Variants in MGAT4A observed in about 807,000 individuals in gnomAD.
MGAT4A encodes the protein N-acetylglucosaminyltransferase IVa.
In MGAT4A, 33 loss-of-function variants were observed where a neutral mutation model predicts 74.1. That is an observed-to-expected ratio of 0.45 (90% CI 0.34 to 0.60). The LOEUF is 0.60. Among genes scored for constraint, MGAT4A ranks in the 20% least tolerant of loss-of-function variants. The pLI, the probability that MGAT4A is intolerant of heterozygous loss-of-function variation, is 0.02. For synonymous variants in MGAT4A, 198 were observed against 210.4 expected (o/e 0.94, Z 0.51); for missense variants, 479 against 628.3 (o/e 0.76, Z 2.54).
intron 4 of MGAT4A, among the ~76,000 whole-genome samples, chr2:98,669,233 C>A (rs1701878568): frequency 6.6e-6 from 1 of 152,088 alleles, no homozygotes; most frequent in African/African-American, 2.4e-5. Flanking sequence ...GTGGGAGGGA[C>A]CCGGTGGGAG....
At chr2:98,663,277 GA>G in intron 4 of MGAT4A, 98 bp from the exon 5 acceptor site, 1 of 1,533,166 alleles carries the variant, frequency 6.5e-7, no homozygotes, top group Non-Finnish European at 8.8e-7. Flanking sequence ...AAATTGATAG[GA>G]ATAACTGATG....
In MGAT4A at chr2:98,625,251, GT is replaced by G; in HGVS notation, c.*314del. On this transcript the variant is annotated 3_prime_UTR_variant, in exon 16 of 16. Transcript: ENST00000393487. ...CCTTCATAAAATGTATGTAACATTAGTTTTTCTCAAATTTAAAGAATGTAAC... is the reference window on the plus strand; with the variant it reads ...CCTTCATAAAATGTATGTAACATTAGTTTTCTCAAATTTAAAGAATGTAAC... The G allele has an allele frequency of 1.0e-6, 1 of 957,156 alleles. No homozygotes were observed. The highest frequency in any genetic ancestry group is 1.3e-6 in the Non-Finnish European group (1 of 788,958). 59.3% of individuals were successfully genotyped at this position (957,156 alleles called of 1,614,324 possible). A position where few individuals can be genotyped will look rare whatever the true frequency, so the allele number is the denominator to read the frequency against.
intron 8 of MGAT4A, among the ~76,000 whole-genome samples, chr2:98,651,320 T>C (rs1316481725): frequency 6.6e-6 from 1 of 152,202 alleles, no homozygotes; most frequent in African/African-American, 2.4e-5. Flanking sequence ...CCCTTTCAAA[T>C]CTTTTGATCA....
intron 2 of MGAT4A, among the ~76,000 whole-genome samples, chr2:98,709,387 A>C (rs2104323184): frequency 6.6e-6 from 1 of 152,314 alleles, no homozygotes; most frequent in Non-Finnish European, 1.5e-5. Context: ...TGATTTAAAA[A>C]GGGGAAAACA....
intron 14 of MGAT4A, among the ~76,000 whole-genome samples, chr2:98,627,081 A>G (rs1044899456): frequency 3.9e-5 from 6 of 152,322 alleles, no homozygotes; most frequent in Non-Finnish European, 7.3e-5. Context: ...GGATTTTGAG[A>G]TATGGAAATT....
chr2:98,625,062 A>G lies in MGAT4A; in HGVS notation c.*504T>C. 2.0e-6 allele frequency: 2 copies of G among 979,086 alleles called. No homozygotes were observed. Among genetic ancestry groups the G allele is most frequent in the African/African-American group, 1.7e-5 (1 of 57,160 alleles). 60.6% of individuals were successfully genotyped at this position (979,086 alleles called of 1,614,324 possible). A position where few individuals can be genotyped will look rare whatever the true frequency, so the allele number is the denominator to read the frequency against. ...AAGGAAACTGGTTTTCAAAAAAAGTATCGATTCAAAAATCTACTGCACAAA... is the reference window on the plus strand; with the variant it reads ...AAGGAAACTGGTTTTCAAAAAAAGTGTCGATTCAAAAATCTACTGCACAAA... On this transcript the variant is annotated 3_prime_UTR_variant, in exon 16 of 16. Transcript: ENST00000393487.
At chr2:98,650,073 T>C (rs1187958157) in intron 8 of MGAT4A, among the ~76,000 whole-genome samples, 3 of 152,012 alleles carry the variant, frequency 2.0e-5, no homozygotes, top group Non-Finnish European at 2.9e-5. Flanking sequence ...AGAATATCAA[T>C]AGAGATAGAA....
chr2:98,691,028 A>G (rs1702187568), intron 2 of MGAT4A, among the ~76,000 whole-genome samples: 1 of 152,138 alleles, frequency 6.6e-6, no homozygotes, highest in Non-Finnish European at 1.5e-5. Context: ...CACTGCTATC[A>G]TCAGCAACAC....
At chr2:98,689,581 T>C (rs1702168509) in intron 2 of MGAT4A, among the ~76,000 whole-genome samples, 1 of 152,144 alleles carries the variant, frequency 6.6e-6, no homozygotes, top group Non-Finnish European at 1.5e-5. Context: ...CCCAACACTT[T>C]GGAGGCTGAA....
At chr2:98,637,032 G>A (rs1256796335) in intron 12 of MGAT4A, among the ~76,000 whole-genome samples, 1 of 152,144 alleles carries the variant, frequency 6.6e-6, no homozygotes, top group Non-Finnish European at 1.5e-5. Flanking sequence ...GTTCTAGGCT[G>A]GGCGTGGTGG....
At chr2:98,697,849 G>T (rs561582301) in intron 2 of MGAT4A, among the ~76,000 whole-genome samples, 1 of 152,172 alleles carries the variant, frequency 6.6e-6, no homozygotes, top group Non-Finnish European at 1.5e-5. Flanking sequence ...GTACTCTTTT[G>T]TCTACTGTGT....
Position 98,656,329 on chromosome 2 carries a change from G to T in MGAT4A, c.698+23C>A, listed in dbSNP as rs776909829. The T allele has an allele frequency of 1.3e-5, 18 of 1,417,572 alleles. No homozygotes were observed. In the South Asian group the frequency reaches 2.1e-4, roughly 17 times the overall value. The allele number at this position is 1,417,572 out of a possible 1,614,324, so 87.8% of individuals were successfully genotyped here. Reference sequence around the variant, plus strand: ...AATATTTACACTCACAAGTGTGGAGGATTTTAAACGGCACATGCTCACCTT... The same window carrying T: ...AATATTTACACTCACAAGTGTGGAGTATTTTAAACGGCACATGCTCACCTT... On this transcript the variant is annotated intron_variant, in intron 7 of 15. Coordinates refer to ENST00000393487, the MANE Select transcript of MGAT4A (RefSeq NM_012214.3).
intron 14 of MGAT4A, among the ~76,000 whole-genome samples, chr2:98,629,388 C>T (rs1701194663): frequency 6.6e-6 from 1 of 152,154 alleles, no homozygotes; most frequent in South Asian, 2.1e-4. Context: ...TTTGTCCATA[C>T]TTGGTGCTGG....
Position 98,621,376 on chromosome 2 carries a change from CCT to C in MGAT4A, c.*4188_*4189del. On this transcript the variant is annotated 3_prime_UTR_variant, in exon 16 of 16. Coordinates refer to ENST00000393487, the MANE Select transcript of MGAT4A (RefSeq NM_012214.3). ...CCAGCTCCTTTGCTGTTAGCCAAGGCCTCTCTCAGCTCCTCAAAGCCATGTGC... is the reference window on the plus strand; with the variant it reads ...CCAGCTCCTTTGCTGTTAGCCAAGGCCTCTCAGCTCCTCAAAGCCATGTGC... 1 of 1,541,804 alleles carries C rather than the reference CCT, an allele frequency of 6.5e-7. No homozygotes were observed. Among genetic ancestry groups the C allele is most frequent in the Non-Finnish European group, 8.8e-7 (1 of 1,141,758 alleles).
rs200067647 is a variant in MGAT4A, at chr2:98,658,230, T to C, written c.572A>G (p.Asn191Ser). The change falls in exon 6 of 16, where the codon AAC becomes AGC. Residue 191 changes from asparagine (N) to serine (S), a missense_variant. By Grantham distance (46) the Asn-to-Ser change is conservative. This residue lies in a region of MGAT4A where 205 missense variants were observed against 232.7 expected (regional missense o/e 0.88). Coordinates refer to ENST00000393487, the MANE Select transcript of MGAT4A (RefSeq NM_012214.3). ...AAGAAGAACTTACTCTTTCTCCAGGTTGGCTACAACACCATGTACATAATC... is the reference window on the plus strand; with the variant it reads ...AAGAAGAACTTACTCTTTCTCCAGGCTGGCTACAACACCATGTACATAATC... Reference protein sequence around the residue: ...DIDYVHGVVANLEKEFSKEIS... With the variant: ...DIDYVHGVVASLEKEFSKEIS... 2.4e-5 allele frequency: 38 copies of C among 1,577,272 alleles called. No homozygotes were observed. Among genetic ancestry groups the C allele is most frequent in the Non-Finnish European group, 2.7e-5 (31 of 1,155,986 alleles).
At chr2:98,711,690 C>T (rs142170179) in intron 2 of MGAT4A, among the ~76,000 whole-genome samples, 1 of 152,100 alleles carries the variant, frequency 6.6e-6, no homozygotes, top group Non-Finnish European at 1.5e-5. Context: ...ATAAGTACCA[C>T]GTTAGCCTCA....
intron 2 of MGAT4A, among the ~76,000 whole-genome samples, chr2:98,703,927 C>T (rs151163728): frequency 1.4e-3 from 215 of 152,252 alleles, no homozygotes; most frequent in African/African-American, 4.8e-3. Flanking sequence ...TCTAAACAGC[C>T]GTCATTCCCA....
intron 14 of MGAT4A, among the ~76,000 whole-genome samples, chr2:98,626,464 C>T (rs1428276358): frequency 1.3e-5 from 2 of 152,140 alleles, no homozygotes; most frequent in East Asian, 3.8e-4. Flanking sequence ...TCAGGAATAA[C>T]ATCCATCTTA....
chr2:98,722,208 T>C (rs1702682663), intron 2 of MGAT4A, among the ~76,000 whole-genome samples: 1 of 152,246 alleles, frequency 6.6e-6, no homozygotes. Context: ...TGAATGTTTA[T>C]AGCAGCATTA....
Sources: allele counts gnomAD v4.1 joint callset (sites outside exome capture counted in the v4.1 genomes callset), GRCh38; gene constraint gnomAD v4.1.1; regional missense constraint gnomAD v4.1.1; transcripts MANE v1.5; gene names NCBI Gene and HGNC (gene_info 2026-07-23, HGNC 2026-07-21).